Variants in SMOC2 observed in about 807,000 individuals in gnomAD.
SMOC2 encodes the protein SPARC related modular calcium binding 2.
SMOC2 carries 39 observed loss-of-function variants against 61.4 expected under a neutral mutation model. That is an observed-to-expected ratio of 0.64 (90% CI 0.49 to 0.83). The LOEUF (loss-of-function observed/expected upper bound fraction) is 0.83, where lower values mean the gene tolerates loss of function less well. SMOC2 is among the 40% of genes least tolerant of loss of function. The pLI is 0.00. For missense variants in SMOC2, 556 were observed against 592.9 expected (o/e 0.94, Z 0.65); for synonymous variants, 247 against 239.9 (o/e 1.03, Z -0.27).
At chr6:168,663,927 CTG>C in intron 11 of SMOC2, 145 bp from the exon 12 acceptor site, 2 of 636,158 alleles carry the variant, frequency 3.1e-6, no homozygotes, top group Non-Finnish European at 5.4e-6. Flanking sequence ...TGAGGAATGA[CTG>C]TATGTGGTTT....
intron 11 of SMOC2, among the ~76,000 whole-genome samples, chr6:168,654,076 A>G (rs1293747249): frequency 1.3e-5 from 1 of 75,116 alleles, no homozygotes; most frequent in African/African-American, 6.1e-5. Flanking sequence ...CTGAGCTCCA[A>G]CCAAATGTTA....
chr6:168,460,270 G>A (rs1310059164), intron 1 of SMOC2, among the ~76,000 whole-genome samples: 5 of 151,998 alleles, frequency 3.3e-5, no homozygotes, highest in African/African-American at 1.2e-4. Flanking sequence ...AGAAATTATG[G>A]GATATCCTTC....
chr6:168,526,777 A>G (rs951704131), intron 3 of SMOC2, among the ~76,000 whole-genome samples: 1 of 152,162 alleles, frequency 6.6e-6, no homozygotes, highest in Non-Finnish European at 1.5e-5. Context: ...CCTGGCTTGC[A>G]GCTTAGAATT....
chr6:168,652,402 G>A (rs1787218732), intron 10 of SMOC2, among the ~76,000 whole-genome samples: 2 of 152,186 alleles, frequency 1.3e-5, no homozygotes. Flanking sequence ...CCATCTCACG[G>A]AGAAGGTGCG....
intron 8 of SMOC2, among the ~76,000 whole-genome samples, 185 bp downstream of exon 8, chr6:168,599,189 ACT>A (rs111326284): frequency 0.39 from 53,191 of 136,936 alleles, 10,485 homozygotes; most frequent in Middle Eastern, 0.5. Flanking sequence ...ACCCACACAC[ACT>A]CATACCACAC....
At position 168,607,818 on chromosome 6, in the gene SMOC2, G is replaced by A. The variant is rs113719465; in HGVS notation, c.825-339G>A. On this transcript the variant is annotated intron_variant, in intron 8 of 12. Transcript: ENST00000356284. ...TGCAACGGGAGGAGGGGGAGGTGTGGGCGCTGCTCCATCCAACCCTGCAAC... is the reference window on the plus strand; with the variant it reads ...TGCAACGGGAGGAGGGGGAGGTGTGAGCGCTGCTCCATCCAACCCTGCAAC... 1.9e-3 allele frequency among the ~76,000 whole-genome samples: 280 copies of A among 150,606 alleles called. 3 individuals are homozygous for A. The highest frequency in any genetic ancestry group is 6.9e-3 in the Middle Eastern group (2 of 290).
At chr6:168,602,866 G>C (rs1785587296) in intron 8 of SMOC2, among the ~76,000 whole-genome samples, 1 of 152,216 alleles carries the variant, frequency 6.6e-6, no homozygotes, top group South Asian at 2.1e-4. Context: ...TGGCTGGGGA[G>C]GGTTGTTTCA....
At chr6:168,499,995 A>C (rs1782685168) in intron 1 of SMOC2, among the ~76,000 whole-genome samples, 1 of 152,246 alleles carries the variant, frequency 6.6e-6, no homozygotes. Flanking sequence ...AGCTGTGAGC[A>C]GGGAAAGAGG....
At position 168,452,753 on chromosome 6, in the gene SMOC2, C is replaced by T. The variant is rs924158179; in HGVS notation, c.84+11299C>T. ...CCTCATTTCTACTACCTTTTAATTTCGTTTTGTTTTGTTAAATTCCAAACA... is the reference window on the plus strand; with the variant it reads ...CCTCATTTCTACTACCTTTTAATTTTGTTTTGTTTTGTTAAATTCCAAACA... On this transcript the variant is annotated intron_variant, in intron 1 of 12. Transcript: ENST00000356284. This position sits in a 1 kb window ranked among gnomAD's most constrained non-coding sequence, Gnocchi z 5.0. Among the ~76,000 whole-genome samples the T allele has an allele frequency of 3.3e-5, 5 of 152,320 alleles. No individual in the cohort carries two copies. The highest frequency in any genetic ancestry group is 1.9e-4 in the East Asian group (1 of 5,186).
intron 9 of SMOC2, among the ~76,000 whole-genome samples, chr6:168,618,150 C>T (rs79337911): frequency 0.021 from 3,263 of 152,378 alleles, 95 homozygotes; most frequent in African/African-American, 0.073. Flanking sequence ...ACAGGACCCT[C>T]GGTTTATTGC....
chr6:168,541,420 T>C (rs1562337198), intron 4 of SMOC2, among the ~76,000 whole-genome samples: 1 of 152,202 alleles, frequency 6.6e-6, no homozygotes. Context: ...GCCGGCAATC[T>C]TGCTTGTTAT....
chr6:168,464,094 G>A (rs1293170256), intron 1 of SMOC2, among the ~76,000 whole-genome samples: 1 of 150,772 alleles, frequency 6.6e-6, no homozygotes, highest in African/African-American at 2.5e-5. Flanking sequence ...GGGAGGCTGA[G>A]GCACAAGAAT....
At chr6:168,478,660 A>T (rs1294003329) in intron 1 of SMOC2, among the ~76,000 whole-genome samples, 1 of 152,232 alleles carries the variant, frequency 6.6e-6, no homozygotes, top group Non-Finnish European at 1.5e-5. Flanking sequence ...ATGTGCTGCC[A>T]TGGGAGAGAG....
At chr6:168,614,784 C>G (rs878949000) in intron 9 of SMOC2, among the ~76,000 whole-genome samples, 3,300 of 17,764 alleles carry the variant, frequency 0.19, 313 homozygotes, top group Non-Finnish European at 0.22. Flanking sequence ...GGCCTCTTCA[C>G]ACCTACAGCC....
At chr6:168,575,339 TCTTTC>T (rs1404236549) in intron 7 of SMOC2, among the ~76,000 whole-genome samples, 1 of 152,196 alleles carries the variant, frequency 6.6e-6, no homozygotes, top group Non-Finnish European at 1.5e-5. Context: ...CCCCCCGACT[TCTTTC>T]TAAGCCCTAT....
At chr6:168,562,395 C>T (rs1254692096) in intron 7 of SMOC2, among the ~76,000 whole-genome samples, 9 of 104,228 alleles carry the variant, frequency 8.6e-5, no homozygotes, top group African/African-American at 2.9e-4. Context: ...TCACTGCATT[C>T]TTGGAGGAGG....
At position 168,614,390 on chromosome 6, in the gene SMOC2, C is replaced by T. The variant is rs1785990960; in HGVS notation, c.907+6151C>T. Among the ~76,000 whole-genome samples, 2 of 97,690 alleles carry T rather than the reference C, an allele frequency of 2.0e-5. 1 individual carries two copies. Among genetic ancestry groups the T allele is most frequent in the Non-Finnish European group, 4.1e-5 (2 of 49,064 alleles). 64.1% of individuals were successfully genotyped at this position (97,690 alleles called of 152,430 possible). ...CCAGCACAGGGCCTCTTCATACCTA[C>T]AGCCAGCACAGGGCCTCTTTATACC... On this transcript the variant is annotated intron_variant, in intron 9 of 12. Coordinates refer to ENST00000356284, the MANE Select transcript of SMOC2 (RefSeq NM_001166412.2).
intron 9 of SMOC2, among the ~76,000 whole-genome samples, chr6:168,622,993 T>G (rs1786283525): frequency 7.9e-5 from 12 of 152,194 alleles, no homozygotes; most frequent in Admixed American, 7.8e-4. Flanking sequence ...GGGCATGCAG[T>G]GGTGTCTTTT....
In SMOC2 at chr6:168,458,665, G is replaced by A. The variant is rs192041331; in HGVS notation, c.84+17211G>A. On this transcript the variant is annotated intron_variant, in intron 1 of 12. Coordinates refer to ENST00000356284, the MANE Select transcript of SMOC2 (RefSeq NM_001166412.2). ...CCTGGGCCAGCTTGCACCCCTGTCC[G>A]GGCCGTCTTCCTGCTCGAGATGTGA... Among the ~76,000 whole-genome samples the A allele has an allele frequency of 1.1e-4, 17 of 152,204 alleles. No individual in the cohort carries two copies. In the East Asian group the frequency reaches 3.1e-3, roughly 28 times the overall value.
Sources: allele counts gnomAD v4.1 joint callset (sites outside exome capture counted in the v4.1 genomes callset), GRCh38; gene constraint gnomAD v4.1.1; non-coding constraint Gnocchi (gnomAD v3.1); transcripts MANE v1.5; gene names NCBI Gene and HGNC (gene_info 2026-07-23, HGNC 2026-07-21).